SORCS3: variants seen among roughly 807,000 people sequenced by gnomAD.
SORCS3 encodes the protein VPS10 domain-containing receptor SorCS3.
SORCS3 carries 57 observed loss-of-function variants against 146.3 expected under a neutral mutation model. The ratio of observed to expected loss-of-function variants is 0.39; its 90% confidence interval spans 0.31 to 0.49. The LOEUF (loss-of-function observed/expected upper bound fraction) is 0.49, where lower values mean the gene tolerates loss of function less well. Ranked by LOEUF, SORCS3 falls within the 20% of genes least tolerant of loss-of-function variation. The probability of loss-of-function intolerance (pLI) is 0.92; values close to 1 mark genes in which losing one functional copy is unlikely to be tolerated. For synonymous variants in SORCS3, 653 were observed against 618.5 expected (o/e 1.06, Z -0.83); for missense variants, 1,341 against 1,575.5 (o/e 0.85, Z 2.52).
intron 1 of SORCS3, among the ~76,000 whole-genome samples, chr10:104,746,868 A>G (rs1307688432): frequency 6.6e-6 from 1 of 152,358 alleles, no homozygotes. Flanking sequence ...GGGGTAGGAT[A>G]TTCATATGTA....
chr10:104,710,029 T>C (rs187837456), intron 1 of SORCS3, among the ~76,000 whole-genome samples: 1 of 152,252 alleles, frequency 6.6e-6, no homozygotes, highest in East Asian at 1.9e-4. Context: ...CCACCTGAAA[T>C]TGGGCTGCAG....
intron 25 of SORCS3, among the ~76,000 whole-genome samples, chr10:105,259,954 A>G (rs2056951471): frequency 6.6e-6 from 1 of 152,150 alleles, no homozygotes; most frequent in Non-Finnish European, 1.5e-5. Context: ...CATTTCCCAC[A>G]TTCCTTGTAT....
At chr10:105,165,332 G>A (rs558541794) in intron 12 of SORCS3, among the ~76,000 whole-genome samples, 7 of 152,304 alleles carry the variant, frequency 4.6e-5, no homozygotes, top group Admixed American at 2.0e-4. Context: ...GACATCACAA[G>A]GAGGGGAGGC....
chr10:105,159,019 C>T, intron 11 of SORCS3, 25 bp downstream of exon 11: 1 of 1,516,462 alleles, frequency 6.6e-7, no homozygotes. Context: ...CCCTGTGCTT[C>T]TTCCTTACTG....
intron 4 of SORCS3, among the ~76,000 whole-genome samples, chr10:104,980,551 A>C (rs1589577422): frequency 6.6e-6 from 1 of 152,230 alleles, no homozygotes; most frequent in African/African-American, 2.4e-5. Flanking sequence ...ATGTGCATGC[A>C]TGAAGGCAGC....
chr10:104,674,702 GT>G (rs2015894252), intron 1 of SORCS3, among the ~76,000 whole-genome samples: 1 of 152,150 alleles, frequency 6.6e-6, no homozygotes, highest in Admixed American at 6.5e-5. Flanking sequence ...AAACTGTTCA[GT>G]TTTGGAATAA....
At chr10:104,779,681 C>T (rs1337401449) in intron 1 of SORCS3, among the ~76,000 whole-genome samples, 6 of 152,142 alleles carry the variant, frequency 3.9e-5, no homozygotes, top group African/African-American at 1.4e-4. Flanking sequence ...GATCCTGCAC[C>T]TGGTCTCCTG....
At chr10:104,795,841 A>C (rs1306151132) in intron 1 of SORCS3, among the ~76,000 whole-genome samples, 1 of 152,188 alleles carries the variant, frequency 6.6e-6, no homozygotes, top group African/African-American at 2.4e-5. Flanking sequence ...GTACAATCTA[A>C]TTTGATTCCC....
intron 1 of SORCS3, among the ~76,000 whole-genome samples, chr10:104,786,591 TA>T (rs906719969): frequency 7.5e-5 from 11 of 146,534 alleles, no homozygotes; most frequent in Middle Eastern, 3.5e-3. Flanking sequence ...ATGATGATGA[TA>T]AAAGAAAGGA....
intron 4 of SORCS3, among the ~76,000 whole-genome samples, chr10:105,012,063 A>C (rs1345373822): frequency 1.3e-5 from 2 of 152,200 alleles, no homozygotes; most frequent in Non-Finnish European, 2.9e-5. Context: ...TTGAGAGAGC[A>C]TAAGTTTCAG....
At position 105,254,627 on chromosome 10, in the gene SORCS3, C is replaced by T. The variant is rs377610078; in HGVS notation, c.3238-1075C>T. On this transcript the variant is annotated intron_variant, in intron 23 of 26. Coordinates refer to ENST00000369701, the MANE Select transcript of SORCS3 (RefSeq NM_014978.3). ...GGGCCTCTGCAACATGGTGAAACCC[C>T]GTCTCTACTAAAAATACAAAAATTA... 7.9e-5 allele frequency among the ~76,000 whole-genome samples: 12 copies of T among 152,162 alleles called. No individual in the cohort carries two copies. In the East Asian group the frequency reaches 1.4e-3, roughly 17 times the overall value.
intron 5 of SORCS3, among the ~76,000 whole-genome samples, chr10:105,082,447 T>C (rs1262050642): frequency 2.0e-5 from 3 of 152,252 alleles, no homozygotes; most frequent in Non-Finnish European, 4.4e-5. Flanking sequence ...ATGTAACGAC[T>C]GCATTATATG....
At chr10:105,177,710 T>G (rs1323866818) in intron 13 of SORCS3, among the ~76,000 whole-genome samples, 1 of 152,108 alleles carries the variant, frequency 6.6e-6, no homozygotes, top group Non-Finnish European at 1.5e-5. Flanking sequence ...TTACTCAGTT[T>G]GTGTCAGAAC....
intron 3 of SORCS3, among the ~76,000 whole-genome samples, chr10:104,957,210 T>G (rs1386252018): frequency 6.6e-6 from 1 of 152,174 alleles, no homozygotes; most frequent in African/African-American, 2.4e-5. Flanking sequence ...CTCTTTAATA[T>G]AGACTGTCAT....
intron 13 of SORCS3, among the ~76,000 whole-genome samples, chr10:105,176,549 G>A (rs1490009461): frequency 6.6e-6 from 1 of 151,260 alleles, no homozygotes; most frequent in Non-Finnish European, 1.5e-5. Context: ...TGAGACCCTT[G>A]TCTCTTTAAA....
At chr10:104,747,850 A>G (rs2016929124) in intron 1 of SORCS3, among the ~76,000 whole-genome samples, 1 of 152,236 alleles carries the variant, frequency 6.6e-6, no homozygotes, top group Non-Finnish European at 1.5e-5. Flanking sequence ...ACAGGAGACC[A>G]GCTGTGCACC....
chr10:104,832,439 C>A (rs1016857643), intron 1 of SORCS3, among the ~76,000 whole-genome samples: 7 of 152,032 alleles, frequency 4.6e-5, no homozygotes, highest in Non-Finnish European at 8.8e-5. Flanking sequence ...CAGGTGTGAC[C>A]GGGCACAGTG....
intron 1 of SORCS3, among the ~76,000 whole-genome samples, chr10:104,676,554 T>C (rs1464336563): frequency 6.6e-6 from 1 of 152,212 alleles, no homozygotes; most frequent in Non-Finnish European, 1.5e-5. Context: ...GCCTCCTATG[T>C]TCCAGGTGCT....
At chr10:104,985,966 T>C (rs574577442) in intron 4 of SORCS3, among the ~76,000 whole-genome samples, 2 of 152,280 alleles carry the variant, frequency 1.3e-5, no homozygotes, top group South Asian at 4.2e-4. Flanking sequence ...ATTTTTCAAA[T>C]CATAAGTGAG....
Sources: gnomAD v4.1 joint callset for allele counts (sites outside exome capture counted in the v4.1 genomes callset) on GRCh38, gnomAD v4.1.1 for gene constraint, MANE v1.5 for transcripts, NCBI Gene and HGNC (gene_info 2026-07-23, HGNC 2026-07-21) for gene names.